JARID2: variants seen among roughly 807,000 people sequenced by gnomAD.
JARID2 encodes jumonji and AT-rich interaction domain containing 2.
In JARID2, 21 loss-of-function variants were observed where a neutral mutation model predicts 125.6. The ratio of observed to expected loss-of-function variants is 0.17; its 90% CI spans 0.12 to 0.24. The LOEUF is 0.24. Ranked by LOEUF, JARID2 falls within the 10% of genes least tolerant of loss-of-function variation. The probability of loss-of-function intolerance (pLI) is 1.00; values close to 1 mark genes in which losing one functional copy is unlikely to be tolerated. For missense variants in JARID2, 1,303 were observed against 1,639.6 expected, an observed-to-expected ratio of 0.79 and a Z score of 3.55; for synonymous variants, 736 against 661.6, an observed-to-expected ratio of 1.11 and a Z score of -1.73.
intron 1 of JARID2, among the ~76,000 whole-genome samples, chr6:15,351,069 T>C (rs1279607626): frequency 6.6e-6 from 1 of 152,134 alleles, no homozygotes; most frequent in Non-Finnish European, 1.5e-5. Flanking sequence ...ATTTGAGTGG[T>C]ATGTAATAAA....
At position 15,521,383 on chromosome 6, in the gene JARID2, A is replaced by AT. The variant is rs2127780782; in HGVS notation, c.*1134dup. 1 of 137,280 alleles carries AT rather than the reference A, an allele frequency of 7.3e-6. No homozygotes were observed. Among genetic ancestry groups the AT allele is most frequent in the East Asian group, 2.4e-4 (1 of 4,198 alleles). The allele number at this position is 137,280 out of a possible 1,614,324, so 8.5% of individuals were successfully genotyped here. Reference sequence around the variant, plus strand: ...ATCCCTTTTGTACATATGCCTGTAAATTGTTTTAAATACTTGAGCCTTTTT... The same window carrying AT: ...ATCCCTTTTGTACATATGCCTGTAAATTTGTTTTAAATACTTGAGCCTTTTT... On this transcript the variant is annotated 3_prime_UTR_variant, in exon 18 of 18. Transcript: ENST00000341776.
At chr6:15,261,862 C>T (rs1194184590) in intron 1 of JARID2, among the ~76,000 whole-genome samples, 2 of 150,162 alleles carry the variant, frequency 1.3e-5, no homozygotes, top group Admixed American at 6.6e-5. Context: ...TGGCTCACCA[C>T]GACCTCCACC....
intron 1 of JARID2, chr6:15,248,578 C>G (rs1329877988): frequency 1.3e-5 from 2 of 151,370 alleles, no homozygotes; most frequent in African/African-American, 4.8e-5. Flanking sequence ...CGGGCTCCGA[C>G]GCAGTCTCGA....
chr6:15,464,175 A>T (rs750855996), intron 4 of JARID2, among the ~76,000 whole-genome samples: 1 of 152,164 alleles, frequency 6.6e-6, no homozygotes, highest in Non-Finnish European at 1.5e-5. Context: ...AGAAAAAAAG[A>T]ACCTACTTTG....
At chr6:15,422,137 AGCGCGT>A (rs2127589198) in intron 3 of JARID2, among the ~76,000 whole-genome samples, 1 of 152,298 alleles carries the variant, frequency 6.6e-6, no homozygotes, top group African/African-American at 2.4e-5. Context: ...CCTGGAGAGA[AGCGCGT>A]CCAGGAGAGG....
intron 1 of JARID2, among the ~76,000 whole-genome samples, chr6:15,284,361 TTGTTA>T (rs1760911334): frequency 6.6e-6 from 1 of 152,194 alleles, no homozygotes; most frequent in African/African-American, 2.4e-5. Flanking sequence ...CATACATTGA[TTGTTA>T]TGTCCATCAG....
intron 1 of JARID2, among the ~76,000 whole-genome samples, chr6:15,356,486 C>A (rs1187884336): frequency 6.6e-6 from 1 of 152,080 alleles, no homozygotes; most frequent in Admixed American, 6.5e-5. Context: ...GAATCTTTAA[C>A]AAGTACATAT....
At chr6:15,262,345 G>A (rs1561753874) in intron 1 of JARID2, among the ~76,000 whole-genome samples, 1 of 151,884 alleles carries the variant, frequency 6.6e-6, no homozygotes. Context: ...CATGTGAATG[G>A]AATCATATAA....
At chr6:15,468,958 A>G (rs1459414843) in intron 5 of JARID2, among the ~76,000 whole-genome samples, 2 of 152,206 alleles carry the variant, frequency 1.3e-5, no homozygotes, top group African/African-American at 2.4e-5. Flanking sequence ...AGAGCTGTAG[A>G]TAAACAGGCA....
chr6:15,485,349 A>G (rs538282416), intron 5 of JARID2, among the ~76,000 whole-genome samples: 2 of 152,206 alleles, frequency 1.3e-5, no homozygotes, highest in Non-Finnish European at 2.9e-5. Flanking sequence ...TTAGAAAACA[A>G]TTAGAAGGAA....
At chr6:15,304,391 C>G (rs1761746754) in intron 1 of JARID2, among the ~76,000 whole-genome samples, 1 of 135,210 alleles carries the variant, frequency 7.4e-6, no homozygotes, top group Admixed American at 9.0e-5. Context: ...AATTTATTCA[C>G]TTTTTTTAGA....
chr6:15,520,122 C>T lies in JARID2; in HGVS notation c.3612C>T (p.Asn1204=), dbSNP rs771828268. The change falls in exon 18 of 18, where the codon AAC becomes AAT. Residue 1204 remains asparagine, a synonymous_variant. Transcript: ENST00000341776. ...TCTGCGGCAAAGTGTCTGGTAAAAA[C>T]GGCAGCATTGAGAACTGTCTCAGTA... The part of the protein sequence containing the change: ...NQICGKVSGK[N]GSIENCLSKP... 23 of 1,613,740 alleles carry T rather than the reference C, an allele frequency of 1.4e-5. No homozygotes were observed. In the East Asian group the frequency reaches 2.2e-4, roughly 16 times the overall value.
chr6:15,463,386 C>T (rs1369524065), intron 4 of JARID2, among the ~76,000 whole-genome samples: 1 of 150,998 alleles, frequency 6.6e-6, no homozygotes, highest in Admixed American at 6.6e-5. Flanking sequence ...GAGTCCACCC[C>T]TGAGAACGCA....
intron 2 of JARID2, among the ~76,000 whole-genome samples, chr6:15,384,788 C>T (rs1389253134): frequency 2.0e-5 from 3 of 152,044 alleles, no homozygotes; most frequent in Non-Finnish European, 4.4e-5. Context: ...ATGCTGGTCT[C>T]GAACTGCCGG....
intron 3 of JARID2, among the ~76,000 whole-genome samples, chr6:15,428,912 AC>A (rs1766844851): frequency 6.9e-6 from 1 of 145,834 alleles, no homozygotes. Flanking sequence ...TCTCAAAAAA[AC>A]AACAAAAAAA....
rs569831182 is a variant in JARID2 at position 15,454,772 on chromosome 6, A to G, written c.493+2597A>G. ...GTGCTGGGATGACAGGCATGAGCCA[A>G]CATGCCTTAGTTTTTACATAGATTT... is the stretch of plus-strand genomic sequence containing the variant. On this transcript the variant is annotated intron_variant, in intron 4 of 17. Transcript: ENST00000341776. Among the ~76,000 whole-genome samples, 11 of 152,166 alleles carry G rather than the reference A, an allele frequency of 7.2e-5. No homozygotes were observed. In the East Asian group the frequency reaches 9.7e-4, roughly 13 times the overall value.
intron 1 of JARID2, among the ~76,000 whole-genome samples, chr6:15,320,848 C>CTGTGTGTGTGTGTG (rs764906403): frequency 5.1e-4 from 69 of 135,118 alleles, no homozygotes; most frequent in African/African-American, 1.8e-3. Context: ...TTCTCTCTCT[C>CTGTGTGTGTGTGTG]TCTCTGTGTG....
intron 3 of JARID2, among the ~76,000 whole-genome samples, chr6:15,415,570 A>AC (rs1461835465): frequency 1.7e-5 from 2 of 115,146 alleles, no homozygotes; most frequent in African/African-American, 6.9e-5. Flanking sequence ...CACCTCCCGG[A>AC]CGGGGCTGCT....
Position 15,513,019 on chromosome 6 carries a change from C to T in JARID2, c.3240C>T (p.Thr1080=), listed in dbSNP as rs1771350984. The change falls in exon 15 of 18, where the codon ACC becomes ACT. Residue 1080 remains threonine (T), a synonymous_variant. Coordinates refer to ENST00000341776, the MANE Select transcript of JARID2 (RefSeq NM_004973.4). Reference sequence around the variant, plus strand: ...AAGAAAACGGTCCCACTCTCAGTACCATCTCAGCCCTCCTGGATGAGCTCA... The same window carrying T: ...AAGAAAACGGTCCCACTCTCAGTACTATCTCAGCCCTCCTGGATGAGCTCA... ...AKKENGPTLS[T]ISALLDELRD... The T allele has an allele frequency of 6.2e-7, 1 of 1,614,118 alleles. No individual in the cohort carries two copies. The highest frequency in any genetic ancestry group is 8.5e-7 in the Non-Finnish European group (1 of 1,180,024).
Sources: gnomAD v4.1 joint callset for allele counts (sites outside exome capture counted in the v4.1 genomes callset) on GRCh38, gnomAD v4.1.1 for gene constraint, MANE v1.5 for transcripts, NCBI Gene and HGNC (gene_info 2026-07-23, HGNC 2026-07-21) for gene names.